Variants in ABLIM2 observed in about 807,000 individuals in gnomAD.
The protein encoded by ABLIM2 is actin-binding LIM protein 2.
Under a neutral mutation model 97.7 loss-of-function variants are expected in ABLIM2, and 53 were observed. The observed-to-expected ratio is 0.54, with a 90% CI of 0.44 to 0.68. The LOEUF (loss-of-function observed/expected upper bound fraction) is 0.68, where lower values mean the gene tolerates loss of function less well. Ranked by LOEUF, ABLIM2 falls within the 30% of genes least tolerant of loss-of-function variation. The probability of loss-of-function intolerance (pLI) is 0.00; values close to 1 mark genes in which losing one functional copy is unlikely to be tolerated. For missense variants in ABLIM2, 835 were observed against 867.2 expected (o/e 0.96, Z 0.47); for synonymous variants, 361 against 345.8 (o/e 1.04, Z -0.49).
rs1281788209 is a variant in ABLIM2, at chr4:8,069,394, C to T, written c.675+8234G>A. ...TCACACGCACTGCAGCGTGTCCAGG[C>T]TCGGAGGGTCCCACCACGAAGACAG... On this transcript the variant is annotated intron_variant, in intron 6 of 20. Transcript: ENST00000447017. The surrounding 1 kb of genome is among the most constrained non-coding windows in gnomAD (Gnocchi z 4.2). Among the ~76,000 whole-genome samples the T allele has an allele frequency of 6.6e-6, 1 of 152,244 alleles. No individual in the cohort carries two copies. Among genetic ancestry groups the T allele is most frequent in the Non-Finnish European group, 1.5e-5 (1 of 68,040 alleles).
At chr4:8,153,003 G>A (rs1477122235) in intron 1 of ABLIM2, among the ~76,000 whole-genome samples, 1 of 152,208 alleles carries the variant, frequency 6.6e-6, no homozygotes, top group East Asian at 1.9e-4. Flanking sequence ...GCAAGGAAGG[G>A]CCCTAAGTAT....
intron 16 of ABLIM2, among the ~76,000 whole-genome samples, chr4:8,006,292 C>T (rs1191523533): frequency 6.6e-6 from 1 of 152,226 alleles, no homozygotes; most frequent in Non-Finnish European, 1.5e-5. Context: ...CTCTCTTAGT[C>T]CTGAGCCACA....
chr4:8,073,806 G>C (rs1813992513), intron 6 of ABLIM2, among the ~76,000 whole-genome samples: 1 of 152,144 alleles, frequency 6.6e-6, no homozygotes, highest in African/African-American at 2.4e-5. Flanking sequence ...AATGACAAAA[G>C]GTTGGGCATG....
chr4:8,049,861 G>A (rs1794870077), intron 8 of ABLIM2, among the ~76,000 whole-genome samples: 1 of 152,294 alleles, frequency 6.6e-6, no homozygotes, highest in South Asian at 2.1e-4. Flanking sequence ...CTGAATAGAT[G>A]AGATTACAGG....
At chr4:8,007,595 GTCTC>G (rs1762262852) in intron 16 of ABLIM2, 1 of 988,712 alleles carries the variant, frequency 1.0e-6, no homozygotes, top group Non-Finnish European at 1.2e-6. Flanking sequence ...CACCATCACT[GTCTC>G]TCTATGAAGC....
Position 8,132,191 on chromosome 4 carries a change from C to T in ABLIM2, c.11-25554G>A, listed in dbSNP as rs957922730. ...GTCCCACGAGGCTGCAATCACCCCC[C>T]TGCTCACTCATGCTCACCCCCTCCC... is the stretch of plus-strand genomic sequence containing the variant. On this transcript the variant is annotated intron_variant, in intron 1 of 20. Coordinates refer to ENST00000447017, the MANE Select transcript of ABLIM2 (RefSeq NM_001130083.2). The surrounding 1 kb of genome is among the most constrained non-coding windows in gnomAD (Gnocchi z 8.0). Among the ~76,000 whole-genome samples the T allele has an allele frequency of 6.6e-6, 1 of 151,852 alleles. No individual in the cohort carries two copies. The highest frequency in any genetic ancestry group is 1.9e-4 in the East Asian group (1 of 5,144).
Position 7,986,749 on chromosome 4 carries a change from T to G in ABLIM2, c.1681-1856A>C, listed in dbSNP as rs967918978. The stretch of plus-strand genomic sequence containing the variant: ...GTGCAATGGCGTGATCTCGGCTCAA[T>G]GCAAACTCCACCTCCCGGGTTCAAG... On this transcript the variant is annotated intron_variant, in intron 17 of 20. Coordinates refer to ENST00000447017, the MANE Select transcript of ABLIM2 (RefSeq NM_001130083.2). The surrounding 1 kb of genome is among the most constrained non-coding windows in gnomAD (Gnocchi z 4.3). Among the ~76,000 whole-genome samples, 17 of 152,242 alleles carry G rather than the reference T, an allele frequency of 1.1e-4. No individual in the cohort carries two copies. The highest frequency in any genetic ancestry group is 3.9e-4 in the Admixed American group (6 of 15,290).
intron 15 of ABLIM2, among the ~76,000 whole-genome samples, chr4:8,008,605 T>C (rs1242080938): frequency 1.3e-5 from 2 of 152,212 alleles, no homozygotes; most frequent in East Asian, 3.9e-4. Flanking sequence ...CATGAATACG[T>C]TGTTGGAACA....
chr4:7,981,573 A>T (rs1399566683), intron 20 of ABLIM2, among the ~76,000 whole-genome samples: 1 of 152,142 alleles, frequency 6.6e-6, no homozygotes, highest in Non-Finnish European at 1.5e-5. Context: ...ACAGTTTGAC[A>T]CTTTTCATGG....
chr4:8,134,668 C>T (rs1849933360), intron 1 of ABLIM2, among the ~76,000 whole-genome samples: 1 of 151,648 alleles, frequency 6.6e-6, no homozygotes, highest in South Asian at 2.1e-4. Flanking sequence ...CTCCACAGTG[C>T]CAGGAAGGCC....
At position 8,015,398 on chromosome 4, in the gene ABLIM2, G is replaced by A. The variant is rs1578701279; in HGVS notation, c.1423+4220C>T. 2.6e-5 allele frequency among the ~76,000 whole-genome samples: 4 copies of A among 152,004 alleles called. No homozygotes were observed. The highest frequency in any genetic ancestry group is 6.6e-5 in the Admixed American group (1 of 15,266). Reference sequence around the variant, plus strand: ...CCCGGCTCCCCTGGGGAGCCTCAGTGGGGGCTTCCCAGTGCAATCCGCACT... The same window carrying A: ...CCCGGCTCCCCTGGGGAGCCTCAGTAGGGGCTTCCCAGTGCAATCCGCACT... On this transcript the variant is annotated intron_variant, in intron 14 of 20. Coordinates refer to ENST00000447017, the MANE Select transcript of ABLIM2 (RefSeq NM_001130083.2). This position sits in a 1 kb window ranked among gnomAD's most constrained non-coding sequence, Gnocchi z 4.6.
rs1792525258 is a variant in ABLIM2, at chr4:8,046,484, A to G, written c.823-1243T>C. Among the ~76,000 whole-genome samples, 1 of 151,986 alleles carries G rather than the reference A, an allele frequency of 6.6e-6. No individual in the cohort carries two copies. Among genetic ancestry groups the G allele is most frequent in the African/African-American group, 2.4e-5 (1 of 41,348 alleles). ...GCCTCCCCAGCCCTCAGCAGCCAAG[A>G]GCTCAGCCCTCACTCTCCCCACGGC... On this transcript the variant is annotated intron_variant, in intron 8 of 20. Transcript: ENST00000447017. The surrounding 1 kb of genome is among the most constrained non-coding windows in gnomAD (Gnocchi z 4.4).
chr4:7,993,954 G>C (rs78084775), intron 16 of ABLIM2: 469 of 513,114 alleles, frequency 9.1e-4, no homozygotes, highest in Middle Eastern at 4.1e-3. Context: ...TCAATACCAC[G>C]TGATGGGAGA....
chr4:8,074,930 C>A (rs1338540904), intron 6 of ABLIM2, among the ~76,000 whole-genome samples: 3 of 152,204 alleles, frequency 2.0e-5, no homozygotes, highest in African/African-American at 7.2e-5. Flanking sequence ...GGATTACAGG[C>A]ACCCACCACC....
chr4:8,156,135 G>T (rs1715240218), intron 1 of ABLIM2, among the ~76,000 whole-genome samples: 1 of 152,260 alleles, frequency 6.6e-6, no homozygotes, highest in Non-Finnish European at 1.5e-5. Flanking sequence ...AGGAGCACAG[G>T]CCTTGCTCAA....
intron 1 of ABLIM2, among the ~76,000 whole-genome samples, chr4:8,126,803 C>T (rs1033097425): frequency 5.9e-5 from 9 of 152,032 alleles, no homozygotes; most frequent in African/African-American, 2.2e-4. Flanking sequence ...GTGTGGCTCA[C>T]ACCTGTAATC....
rs950382789 is a variant in ABLIM2, at chr4:8,021,486, T to A, written c.1268-1183A>T. ...GCACTAGGCAATGGGCTGCAAGGGG[T>A]AAGGCGCTCTTCACCTGAGAACGTT... On this transcript the variant is annotated intron_variant, in intron 12 of 20. Transcript: ENST00000447017. The surrounding 1 kb of genome is among the most constrained non-coding windows in gnomAD (Gnocchi z 5.5). Among the ~76,000 whole-genome samples, 3 of 152,140 alleles carry A rather than the reference T, an allele frequency of 2.0e-5. No individual in the cohort carries two copies. Among genetic ancestry groups the A allele is most frequent in the East Asian group, 1.9e-4 (1 of 5,182 alleles).
In ABLIM2 at chr4:8,112,694, C is replaced by T. The variant is rs765551727; in HGVS notation, c.11-6057G>A. On this transcript the variant is annotated intron_variant, in intron 1 of 20. Transcript: ENST00000447017. This position sits in a 1 kb window ranked among gnomAD's most constrained non-coding sequence, Gnocchi z 4.2. ...CCACAGTGAACACAACAGCCACGGT[C>T]CCAGCCCTCGACATTCTCTTGTTTG... Among the ~76,000 whole-genome samples the T allele has an allele frequency of 6.6e-6, 1 of 152,116 alleles. No homozygotes were observed. The highest frequency in any genetic ancestry group is 1.5e-5 in the Non-Finnish European group (1 of 68,032).
chr4:8,011,270 A>G (rs1764771545), intron 14 of ABLIM2, among the ~76,000 whole-genome samples: 1 of 151,750 alleles, frequency 6.6e-6, no homozygotes, highest in African/African-American at 2.4e-5. Context: ...TGCTCTGCCA[A>G]GATTTACCAA....
Sources: allele counts gnomAD v4.1 joint callset (sites outside exome capture counted in the v4.1 genomes callset), GRCh38; gene constraint gnomAD v4.1.1; non-coding constraint Gnocchi (gnomAD v3.1); transcripts MANE v1.5; gene names NCBI Gene and HGNC (gene_info 2026-07-23, HGNC 2026-07-21).